The following TRIM37 variants were observed in gnomAD, a reference collection of about 807,000 sequenced individuals.
The protein encoded by TRIM37 is E3 ubiquitin-protein ligase TRIM37.
A neutral mutation model predicts 129.8 loss-of-function variants in TRIM37; 80 were observed. That is an observed-to-expected ratio of 0.62 (90% CI 0.51 to 0.74). TRIM37 has a LOEUF of 0.74. Ranked by LOEUF, TRIM37 falls within the 30% of genes least tolerant of loss-of-function variation. TRIM37 has a pLI of 0.00. For missense variants in TRIM37, 1,054 were observed against 1,176.5 expected (o/e 0.90, Z 1.52); for synonymous variants, 389 against 387.1 (o/e 1.00, Z -0.06).
At chr17:59,045,870 G>A (rs2039740006) in intron 16 of TRIM37, among the ~76,000 whole-genome samples, 3 of 151,814 alleles carry the variant, frequency 2.0e-5, no homozygotes, top group Admixed American at 6.6e-5. Flanking sequence ...CAAAAAAATA[G>A]CCAGGCGTGG....
intron 16 of TRIM37, among the ~76,000 whole-genome samples, chr17:59,043,013 G>A (rs757679804): frequency 2.6e-5 from 4 of 151,648 alleles, no homozygotes; most frequent in Non-Finnish European, 4.4e-5. Context: ...GTAGTGTTAG[G>A]CTTAAAACAC....
intron 10 of TRIM37, among the ~76,000 whole-genome samples, chr17:59,063,992 G>C (rs2041721974): frequency 6.6e-6 from 1 of 152,106 alleles, no homozygotes; most frequent in Non-Finnish European, 1.5e-5. Context: ...CATCTGTGTG[G>C]TGGCACACGC....
chr17:59,056,747 A>AAAAAG, intron 13 of TRIM37, 128 bp downstream of exon 13: 2 of 427,106 alleles, frequency 4.7e-6, no homozygotes, highest in Non-Finnish European at 4.1e-6. Flanking sequence ...AAAAAAAAAA[A>AAAAAG]GGTGATAAGG....
intron 9 of TRIM37, among the ~76,000 whole-genome samples, chr17:59,070,089 G>T (rs1024793668): frequency 2.0e-5 from 3 of 152,186 alleles, no homozygotes; most frequent in Non-Finnish European, 4.4e-5. Flanking sequence ...CCTGGGGTAT[G>T]GTATGACCCA....
intron 22 of TRIM37, among the ~76,000 whole-genome samples, chr17:59,009,443 CTTTTTTTTTT>C (rs61545184): frequency 9.3e-6 from 1 of 107,622 alleles, no homozygotes; most frequent in Non-Finnish European, 2.0e-5. Flanking sequence ...AATTTCTTTT[CTTTTTTTTTT>C]TTTTTTTTTG....
chr17:59,042,358 G>C (rs1029407862), intron 16 of TRIM37, among the ~76,000 whole-genome samples: 18 of 134,614 alleles, frequency 1.3e-4, no homozygotes, highest in African/African-American at 4.5e-4. Context: ...CTGGGCGACA[G>C]AGCGAGACTC....
chr17:59,025,085 G>A (rs1441728611), intron 19 of TRIM37, among the ~76,000 whole-genome samples: 4 of 152,020 alleles, frequency 2.6e-5, no homozygotes, highest in Non-Finnish European at 5.9e-5. Flanking sequence ...CAGTTGTTTC[G>A]ACCTCTATGA....
intron 22 of TRIM37, among the ~76,000 whole-genome samples, chr17:59,011,276 C>T (rs980218617): frequency 2.6e-5 from 4 of 152,142 alleles, no homozygotes; most frequent in African/African-American, 7.2e-5. Flanking sequence ...ATAAACACAT[C>T]ATTTACAAAA....
At chr17:59,032,655 A>G (rs1211807018) in intron 17 of TRIM37, among the ~76,000 whole-genome samples, 1 of 152,146 alleles carries the variant, frequency 6.6e-6, no homozygotes, top group Non-Finnish European at 1.5e-5. Context: ...CCTGAGCCCT[A>G]GAAAAAAACA....
At chr17:59,099,464 G>A (rs1274025301) in intron 2 of TRIM37, among the ~76,000 whole-genome samples, 11 of 151,572 alleles carry the variant, frequency 7.3e-5, no homozygotes, top group African/African-American at 2.4e-4. Flanking sequence ...TGATATGGTT[G>A]TATAACATTA....
chr17:59,039,186 C>T (rs2038877821), intron 17 of TRIM37, among the ~76,000 whole-genome samples: 1 of 152,154 alleles, frequency 6.6e-6, no homozygotes, highest in Non-Finnish European at 1.5e-5. Flanking sequence ...GTGTGTTTCC[C>T]TTTTCATGAT....
chr17:59,039,080 A>G (rs1245756840), intron 17 of TRIM37, among the ~76,000 whole-genome samples: 2 of 152,158 alleles, frequency 1.3e-5, no homozygotes, highest in African/African-American at 4.8e-5. Context: ...ACCTTTTGAC[A>G]ACAGGGCCTA....
intron 16 of TRIM37, among the ~76,000 whole-genome samples, chr17:59,044,704 T>A (rs1268426086): frequency 2.0e-5 from 3 of 152,226 alleles, no homozygotes; most frequent in Non-Finnish European, 4.4e-5. Flanking sequence ...CTAGAGATGA[T>A]TTAAAAGTAT....
chr17:59,027,218 AC>A (rs1338033089), intron 19 of TRIM37, among the ~76,000 whole-genome samples: 2 of 152,136 alleles, frequency 1.3e-5, no homozygotes, highest in African/African-American at 4.8e-5. Flanking sequence ...AAAAAAGAAT[AC>A]CCAACTTTCT....
rs1370963648 is a variant in TRIM37, at chr17:59,106,490, C to T, written c.-29G>A. The T allele has an allele frequency of 6.8e-6, 11 of 1,613,128 alleles. No homozygotes were observed. The highest frequency in any genetic ancestry group is 8.5e-6 in the Non-Finnish European group (10 of 1,179,598). On this transcript the variant is annotated 5_prime_UTR_variant, in exon 1 of 24. Coordinates refer to ENST00000262294, the MANE Select transcript of TRIM37 (RefSeq NM_015294.6). ...CTCCGGCTCTCGGCGGGGCCGCTGG[C>T]GACCCGCAGGCTCCGCAGTCTGACC... is the stretch of plus-strand genomic sequence containing the variant.
chr17:59,004,075 C>T (rs1290874083), intron 22 of TRIM37, among the ~76,000 whole-genome samples: 1 of 152,032 alleles, frequency 6.6e-6, no homozygotes, highest in Non-Finnish European at 1.5e-5. Flanking sequence ...TACCACTGTA[C>T]TCCAGCCTAG....
intron 23 of TRIM37, 142 bp from the exon 24 acceptor site, chr17:58,999,601 T>C: frequency 1.4e-6 from 1 of 732,786 alleles, no homozygotes; most frequent in Non-Finnish European, 2.1e-6. Flanking sequence ...CAAATCTCTG[T>C]CTTCAGAGAA....
chr17:59,062,426 A>C (rs1038178938), intron 11 of TRIM37, 141 bp downstream of exon 11: 4 of 699,638 alleles, frequency 5.7e-6, no homozygotes, highest in African/African-American at 5.4e-5. Flanking sequence ...ATATGGGGGA[A>C]GAAGGGGAAC....
intron 3 of TRIM37, chr17:59,089,929 A>T (rs1210843554): frequency 1.3e-5 from 2 of 151,860 alleles, no homozygotes; most frequent in Non-Finnish European, 2.9e-5. Context: ...GTGACATCTC[A>T]TCTCTACAAA....
Sources: gnomAD v4.1 joint callset for allele counts (sites outside exome capture counted in the v4.1 genomes callset) on GRCh38, gnomAD v4.1.1 for gene constraint, MANE v1.5 for transcripts, NCBI Gene and HGNC (gene_info 2026-07-23, HGNC 2026-07-21) for gene names.